MYO16: variants seen among roughly 807,000 people sequenced by gnomAD.
MYO16 encodes unconventional myosin-XVI.
MYO16 carries 94 observed loss-of-function variants against 205.3 expected under a neutral mutation model. The ratio of observed to expected loss-of-function variants is 0.46; its 90% CI spans 0.39 to 0.54. The LOEUF is 0.54. MYO16 is among the 20% of genes least tolerant of loss of function. The pLI is 0.00. For missense variants in MYO16, 2,315 were observed against 2,387.5 expected (o/e 0.97, Z 0.63); for synonymous variants, 988 against 954.0 (o/e 1.04, Z -0.66).
chr13:108,703,509 C>T (rs1209708489), intron 2 of MYO16, among the ~76,000 whole-genome samples: 1 of 151,942 alleles, frequency 6.6e-6, no homozygotes, highest in African/African-American at 2.4e-5. Context: ...ATGGATGGAG[C>T]TAGACAAAAG....
chr13:109,063,640 A>G (rs959327079), intron 27 of MYO16, among the ~76,000 whole-genome samples: 1 of 152,196 alleles, frequency 6.6e-6, no homozygotes, highest in Admixed American at 6.5e-5. Context: ...CTGTTTTTTA[A>G]GCTGCTCAAT....
chr13:109,112,112 A>G (rs974824115), intron 28 of MYO16, among the ~76,000 whole-genome samples: 1 of 152,220 alleles, frequency 6.6e-6, no homozygotes, highest in African/African-American at 2.4e-5. Context: ...GAAGGTTCAC[A>G]TTGGTTTTCT....
intron 15 of MYO16, among the ~76,000 whole-genome samples, 188 bp downstream of exon 15, chr13:108,898,321 A>G (rs7322977): frequency 0.066 from 9,689 of 147,424 alleles, 1,071 homozygotes; most frequent in African/African-American, 0.23. Context: ...AACAAGGATC[A>G]ATACTCAGGC....
At chr13:108,693,282 T>C (rs889964892) in intron 2 of MYO16, among the ~76,000 whole-genome samples, 1 of 152,192 alleles carries the variant, frequency 6.6e-6, no homozygotes, top group Admixed American at 6.5e-5. Flanking sequence ...TATAATTCAG[T>C]GGCATTACTA....
intron 32 of MYO16, among the ~76,000 whole-genome samples, chr13:109,164,576 A>G (rs1285529159): frequency 6.6e-6 from 1 of 152,154 alleles, no homozygotes; most frequent in Admixed American, 6.5e-5. Context: ...CATTCAGAAA[A>G]CTCCTGAAAC....
At chr13:109,176,844 T>C (rs1295495866) in intron 33 of MYO16, among the ~76,000 whole-genome samples, 1 of 149,710 alleles carries the variant, frequency 6.7e-6, no homozygotes, top group African/African-American at 2.4e-5. Flanking sequence ...TCCACCTGCA[T>C]GCGACCACCT....
intron 7 of MYO16, among the ~76,000 whole-genome samples, chr13:108,807,465 T>A (rs557453482): frequency 6.6e-6 from 1 of 152,198 alleles, no homozygotes; most frequent in Non-Finnish European, 1.5e-5. Context: ...AAGATCTATT[T>A]ATTCAATAAA....
At chr13:109,017,123 T>G (rs1885855002) in intron 22 of MYO16, among the ~76,000 whole-genome samples, 1 of 152,242 alleles carries the variant, frequency 6.6e-6, no homozygotes, top group Non-Finnish European at 1.5e-5. Context: ...TTTCCATGTT[T>G]AGTGCTTCCT....
intron 20 of MYO16, among the ~76,000 whole-genome samples, chr13:108,982,187 C>CAGCGTGTTGTAT (rs1884467860): frequency 6.6e-6 from 1 of 152,154 alleles, no homozygotes; most frequent in South Asian, 2.1e-4. Context: ...TGGTTAATAC[C>CAGCGTGTTGTAT]AGCGTGTTGT....
chr13:108,939,472 C>T (rs1594411299), intron 16 of MYO16, among the ~76,000 whole-genome samples: 1 of 152,174 alleles, frequency 6.6e-6, no homozygotes, highest in East Asian at 1.9e-4. Context: ...GGGGTGTCTT[C>T]ACAATTCTGC....
At chr13:108,882,971 C>A in intron 12 of MYO16, 88 bp from the exon 13 acceptor site, 1 of 1,514,852 alleles carries the variant, frequency 6.6e-7, no homozygotes, top group Non-Finnish European at 9.0e-7. Context: ...ACTTCTGTAT[C>A]TTGGACAGAA....
chr13:108,861,811 A>G (rs540968020), intron 11 of MYO16, among the ~76,000 whole-genome samples: 102 of 152,048 alleles, frequency 6.7e-4, no homozygotes, highest in African/African-American at 2.3e-3. Flanking sequence ...CTTCTTCTTG[A>G]TATATAGGAG....
At chr13:108,655,469 C>A (rs114925954) in intron 1 of MYO16, among the ~76,000 whole-genome samples, 4,032 of 152,294 alleles carry the variant, frequency 0.026, 172 homozygotes, top group African/African-American at 0.093. Flanking sequence ...AAGTCTGCGG[C>A]AGCGGCGTGG....
chr13:108,545,966 A>G, the MYO16 span, among the ~76,000 whole-genome samples: 1 of 152,158 alleles, frequency 6.6e-6, no homozygotes, highest in East Asian at 1.9e-4. Context: ...CCACATCGCA[A>G]TCTCTCAGTC....
At chr13:109,105,147 G>T (rs562877489) in intron 28 of MYO16, among the ~76,000 whole-genome samples, 1 of 152,316 alleles carries the variant, frequency 6.6e-6, no homozygotes, top group East Asian at 1.9e-4. Flanking sequence ...AAACAATACA[G>T]TACACTTGAT....
intron 32 of MYO16, among the ~76,000 whole-genome samples, chr13:109,150,148 A>G (rs895833001): frequency 6.6e-6 from 1 of 152,178 alleles, no homozygotes; most frequent in African/African-American, 2.4e-5. Context: ...CTCAATAGCG[A>G]CCATGATTGG....
chr13:108,663,202 A>C (rs1484900751), intron 1 of MYO16, among the ~76,000 whole-genome samples: 1 of 152,100 alleles, frequency 6.6e-6, no homozygotes, highest in Non-Finnish European at 1.5e-5. Context: ...TGGAGCTAAA[A>C]TTCACAATGC....
the MYO16 span, among the ~76,000 whole-genome samples, chr13:108,586,982 G>T: frequency 4.6e-5 from 7 of 152,206 alleles, no homozygotes; most frequent in African/African-American, 1.7e-4. Flanking sequence ...TCTAGATTCT[G>T]CAGCTTGCTG....
At chr13:108,626,998 G>A (rs1043904059), upstream of MYO16, among the ~76,000 whole-genome samples, 1 of 145,190 alleles carries the variant, frequency 6.9e-6, no homozygotes, top group Non-Finnish European at 1.5e-5. Context: ...ATGATTGAAG[G>A]AGTCCTGAAA....
Sources: gnomAD v4.1 joint callset for allele counts (sites outside exome capture counted in the v4.1 genomes callset) on GRCh38, gnomAD v4.1.1 for gene constraint, MANE v1.5 for transcripts, NCBI Gene and HGNC (gene_info 2026-07-23, HGNC 2026-07-21) for gene names.